Variants in BCORL1 observed in about 807,000 individuals in gnomAD.
BCORL1 encodes BCL6 corepressor like 1, also known as BCL-6 corepressor-like protein 1.
BCORL1 carries 7 observed loss-of-function variants against 87.6 expected under a neutral mutation model. The observed-to-expected ratio is 0.08, with a 90% CI of 0.05 to 0.15. The LOEUF (loss-of-function observed/expected upper bound fraction) is 0.15, where lower values mean the gene tolerates loss of function less well. Ranked by LOEUF, BCORL1 falls within the 10% of genes least tolerant of loss-of-function variation. The probability of loss-of-function intolerance (pLI) is 1.00; values close to 1 mark genes in which losing one functional copy is unlikely to be tolerated. For missense variants in BCORL1, 1,215 were observed against 1,499.7 expected, an observed-to-expected ratio of 0.81 and a Z score of 3.13; for synonymous variants, 591 against 634.4, an observed-to-expected ratio of 0.93 and a Z score of 1.03.
chrX:129,985,746 T>C (rs1049802449), intron 1 of BCORL1, among the ~76,000 whole-genome samples: 7 of 111,640 alleles, frequency 6.3e-5, no homozygotes, highest in African/African-American at 2.3e-4. Flanking sequence ...TTGGGGCAGA[T>C]GTGAGGGATG....
At chrX:129,999,690 C>G (rs182510085) in intron 1 of BCORL1, among the ~76,000 whole-genome samples, 58 of 101,447 alleles carry the variant, frequency 5.7e-4, no homozygotes, top group Non-Finnish European at 7.6e-4. Flanking sequence ...TTTTTCCCCC[C>G]CCCCAGACAG....
rs112594609 is a variant in BCORL1 at position 129,991,651 on chromosome X, C to CTTT, written c.-45+8911_-45+8913dup. ...GCCACTGTGCCCGGCAGAAAATATT[C>CTTT]TTTTTTTTTTTTTTTTTTTTTTTTG... is the stretch of plus-strand genomic sequence containing the variant. On this transcript the variant is annotated intron_variant, in intron 1 of 13. Transcript: ENST00000540052. 4.6e-3 allele frequency among the ~76,000 whole-genome samples: 220 copies of CTTT among 47,494 alleles called. 1 individual carries two copies. The highest frequency in any genetic ancestry group is 0.01 in the African/African-American group (103 of 10,259). The allele number at this position is 47,494 out of a possible 115,157, so 41.2% of individuals were successfully genotyped here.
chrX:130,003,383 T>G (rs867568217), intron 1 of BCORL1, among the ~76,000 whole-genome samples: 1 of 103,415 alleles, frequency 9.7e-6, no homozygotes. Flanking sequence ...TCTTTTTTTT[T>G]TTTTTTGAGA....
chrX:129,995,911 G>A (rs1052683222), intron 1 of BCORL1, among the ~76,000 whole-genome samples: 21 of 111,793 alleles, frequency 1.9e-4, no homozygotes, highest in Admixed American at 1.6e-3. Context: ...ATCTAAAGCC[G>A]GGTAAAGTTG....
intron 11 of BCORL1, among the ~76,000 whole-genome samples, chrX:130,048,334 C>A (rs753060846): frequency 8.9e-6 from 1 of 112,106 alleles, no homozygotes; most frequent in East Asian, 2.8e-4. Flanking sequence ...ACCCTCACCT[C>A]ACCTGTGCCC....
At chrX:130,042,602 A>G (rs755171777) in intron 11 of BCORL1, among the ~76,000 whole-genome samples, 2 of 112,436 alleles carry the variant, frequency 1.8e-5, no homozygotes, top group Admixed American at 1.9e-4. Context: ...GGCTGTTTGT[A>G]GGGTGTGTGA....
At chrX:130,020,177 G>A (rs1446260454) in intron 4 of BCORL1, among the ~76,000 whole-genome samples, 2 of 112,500 alleles carry the variant, frequency 1.8e-5, no homozygotes, top group East Asian at 5.6e-4. Flanking sequence ...GGGTTGGCCT[G>A]GTAAGTGGCA....
chrX:130,024,548 C>T (rs775075714), intron 6 of BCORL1, among the ~76,000 whole-genome samples: 23 of 110,957 alleles, frequency 2.1e-4, no homozygotes, highest in Admixed American at 6.7e-4. Flanking sequence ...TGTCTGAGAC[C>T]CCAATTGCCC....
In BCORL1 at chrX:130,057,872, A is replaced by G. The variant is rs1932484747; in HGVS notation, c.*1736A>G. On this transcript the variant is annotated 3_prime_UTR_variant, in exon 14 of 14. Transcript: ENST00000540052. ...CTTTTTAAGAAAAAAAAATACATAT[A>G]TATATACATATATATATATAAAGTT... is the stretch of plus-strand genomic sequence containing the variant. 9.3e-6 allele frequency: 1 copy of G among 107,312 alleles called. No individual in the cohort carries two copies. Among genetic ancestry groups the G allele is most frequent in the Non-Finnish European group, 1.9e-5 (1 of 52,153 alleles). 8.8% of individuals were successfully genotyped at this position (107,312 alleles called of 1,213,427 possible).
At chrX:130,038,886 G>A (rs867337651) in intron 10 of BCORL1, among the ~76,000 whole-genome samples, 6 of 111,841 alleles carry the variant, frequency 5.4e-5, no homozygotes, top group Middle Eastern at 4.6e-3. Flanking sequence ...GTCCCAAGAT[G>A]TCAGGGGAAC....
chrX:129,980,867 G>A (rs1358362740), upstream of BCORL1, among the ~76,000 whole-genome samples: 9 of 109,098 alleles, frequency 8.2e-5, no homozygotes, highest in African/African-American at 2.7e-4. Flanking sequence ...GGGCGGGGCG[G>A]CGCTAGGGGC....
chrX:130,051,708 C>T (rs748833559), intron 12 of BCORL1, 152 bp from the exon 13 acceptor site: 29 of 471,619 alleles, frequency 6.1e-5, no homozygotes, highest in Non-Finnish European at 8.9e-5. Flanking sequence ...GCCATGGAAC[C>T]GGCAAACCGC....
intron 2 of BCORL1, among the ~76,000 whole-genome samples, chrX:130,007,972 G>A (rs1928627562): frequency 9.0e-6 from 1 of 111,208 alleles, no homozygotes; most frequent in Admixed American, 9.6e-5. Flanking sequence ...TGCTCAGGCT[G>A]GAGTGTAGTG....
chrX:129,993,598 G>A (rs1258137516), intron 1 of BCORL1, among the ~76,000 whole-genome samples: 1 of 110,997 alleles, frequency 9.0e-6, no homozygotes, highest in East Asian at 2.8e-4. Context: ...TGAGGTAGGA[G>A]GATTGCTTGA....
intron 10 of BCORL1, 22 bp downstream of exon 10, chrX:130,037,555 C>T (rs777756973): frequency 1.7e-6 from 2 of 1,179,786 alleles, no homozygotes; most frequent in African/African-American, 3.5e-5. Context: ...GCATCTCCCC[C>T]CAGTCCCGCC....
In BCORL1 at chrX:130,028,747, C is replaced by T. The variant is rs760649587; in HGVS notation, c.4191C>T (p.Asn1397=). 1.7e-5 allele frequency: 21 copies of T among 1,207,949 alleles called. No individual in the cohort carries two copies. The South Asian group carries it at 1.9e-4, about 11-fold the overall frequency. ...NKVQGISDSP[N]GFLPNNLEEP... ...TCCAGGGGATCTCGGATTCACCAAACGGTTTCCTCCCAAATAACCTGGAAG... is the reference window on the plus strand; with the variant it reads ...TCCAGGGGATCTCGGATTCACCAAATGGTTTCCTCCCAAATAACCTGGAAG... The change falls in exon 8 of 14, where the codon AAC becomes AAT. Residue 1397 remains asparagine, a synonymous_variant. Coordinates refer to ENST00000540052, the MANE Select transcript of BCORL1 (RefSeq NM_001379451.1).
intron 11 of BCORL1, among the ~76,000 whole-genome samples, chrX:130,043,760 ATATATATATATATATATATATATAT>A (rs1363349008): frequency 1.5e-4 from 2 of 13,511 alleles, no homozygotes; most frequent in Non-Finnish European, 2.1e-4. Flanking sequence ...ATATATATAT[ATATATATATATATATATATATATAT>A]TTTTTTTTTT....
chrX:130,037,556 C>A (rs779504524), intron 10 of BCORL1, 23 bp downstream of exon 10: 16 of 1,179,974 alleles, frequency 1.4e-5, no homozygotes, highest in South Asian at 3.8e-5. Context: ...CATCTCCCCC[C>A]AGTCCCGCCC....
At chrX:130,048,424 G>A (rs1468019085) in intron 11 of BCORL1, among the ~76,000 whole-genome samples, 1 of 111,868 alleles carries the variant, frequency 8.9e-6, no homozygotes, top group Non-Finnish European at 1.9e-5. Context: ...CAGCTTGCCA[G>A]TTGTACAGGG....
Sources: allele counts gnomAD v4.1 joint callset (sites outside exome capture counted in the v4.1 genomes callset), GRCh38; gene constraint gnomAD v4.1.1; transcripts MANE v1.5; gene names NCBI Gene and HGNC (gene_info 2026-07-23, HGNC 2026-07-21).